RTL4: variants seen among roughly 807,000 people sequenced by gnomAD.
The protein encoded by RTL4 is retrotransposon Gag like 4, also known as retrotransposon Gag-like protein 4.
In RTL4, 4 loss-of-function variants were observed where a neutral mutation model predicts 5.3. That is an observed-to-expected ratio of 0.75 (90% CI 0.37 to 1.72). The LOEUF is 1.72. Among genes scored for constraint, RTL4 ranks in the 40% most tolerant of loss-of-function variants. The pLI, the probability that RTL4 is intolerant of heterozygous loss-of-function variation, is 0.04. For missense variants in RTL4, 260 were observed against 227.1 expected (o/e 1.14, Z -0.93); for synonymous variants, 98 against 87.3 (o/e 1.12, Z -0.68).
the RTL4 span, among the ~76,000 whole-genome samples, chrX:112,310,808 A>C: frequency 2.0e-3 from 168 of 85,461 alleles, 1 homozygote; most frequent in South Asian, 4.0e-3. Flanking sequence ...ATTCTATATT[A>C]TATATTATAT....
chrX:112,241,261 T>C, the RTL4 span, among the ~76,000 whole-genome samples: 11 of 111,578 alleles, frequency 9.9e-5, no homozygotes, highest in Admixed American at 1.9e-4. Context: ...CCTTGAGGAA[T>C]TGCCACACTG....
the RTL4 span, among the ~76,000 whole-genome samples, chrX:112,440,821 T>C: frequency 8.9e-6 from 1 of 112,108 alleles, no homozygotes; most frequent in Non-Finnish European, 1.9e-5. Flanking sequence ...CCAAAACATC[T>C]TATTCACTGA....
At chrX:112,107,286 G>A in the RTL4 span, among the ~76,000 whole-genome samples, 1 of 111,503 alleles carries the variant, frequency 9.0e-6, no homozygotes, top group South Asian at 3.7e-4. Context: ...ACAAATTTTT[G>A]TAACTGTTAT....
chrX:112,310,813 TTA>T, the RTL4 span, among the ~76,000 whole-genome samples: 22 of 86,080 alleles, frequency 2.6e-4, no homozygotes, highest in South Asian at 1.0e-3. Flanking sequence ...ATATTATATA[TTA>T]TATATATTAA....
chrX:112,358,515 A>G, the RTL4 span, among the ~76,000 whole-genome samples: 1 of 111,832 alleles, frequency 8.9e-6, no homozygotes, highest in South Asian at 3.7e-4. Context: ...TAAAGGAAAT[A>G]TGGAGGGGCA....
the RTL4 span, among the ~76,000 whole-genome samples, chrX:112,311,149 G>C: frequency 9.1e-6 from 1 of 109,336 alleles, no homozygotes; most frequent in Non-Finnish European, 1.9e-5. Context: ...GTTTATACCT[G>C]GATGTGAATG....
chrX:112,285,405 T>G, the RTL4 span, among the ~76,000 whole-genome samples: 1 of 112,006 alleles, frequency 8.9e-6, no homozygotes, highest in Non-Finnish European at 1.9e-5. Flanking sequence ...ATATTTTCAA[T>G]AGATGGATCC....
the RTL4 span, among the ~76,000 whole-genome samples, chrX:112,397,758 T>C: frequency 8.9e-6 from 1 of 112,340 alleles, no homozygotes; most frequent in East Asian, 2.8e-4. Context: ...AGTCATATTG[T>C]ACATGGAACT....
chrX:112,216,304 C>G, the RTL4 span, among the ~76,000 whole-genome samples: 1 of 111,831 alleles, frequency 8.9e-6, no homozygotes, highest in African/African-American at 3.2e-5. Flanking sequence ...ATTCCACCAA[C>G]GTAAACACTA....
chrX:112,318,828 G>A, the RTL4 span, among the ~76,000 whole-genome samples: 2 of 111,177 alleles, frequency 1.8e-5, no homozygotes, highest in African/African-American at 6.6e-5. Flanking sequence ...TTTTCCTTCA[G>A]AAACTTTCAA....
At chrX:112,219,477 C>A in the RTL4 span, among the ~76,000 whole-genome samples, 1 of 112,106 alleles carries the variant, frequency 8.9e-6, no homozygotes, top group East Asian at 2.8e-4. Flanking sequence ...TTAGCACAAA[C>A]AAATATCACT....
At chrX:112,334,483 C>G in the RTL4 span, among the ~76,000 whole-genome samples, 2 of 111,613 alleles carry the variant, frequency 1.8e-5, no homozygotes, top group Non-Finnish European at 3.8e-5. Context: ...ATTTGAACAT[C>G]ATGTCAGCAC....
the RTL4 span, among the ~76,000 whole-genome samples, chrX:112,149,273 G>A: frequency 9.0e-6 from 1 of 111,139 alleles, no homozygotes; most frequent in Admixed American, 9.6e-5. Flanking sequence ...GTCTTTTTGA[G>A]GGAAATAGAC....
chrX:112,422,183 ATAAT>A, the RTL4 span, among the ~76,000 whole-genome samples: 693 of 112,166 alleles, frequency 6.2e-3, 4 homozygotes, highest in African/African-American at 0.021. Flanking sequence ...TGTCCAATAA[ATAAT>A]TAAAGTGAAA....
the RTL4 span, among the ~76,000 whole-genome samples, chrX:112,212,867 T>C: frequency 8.9e-6 from 1 of 112,443 alleles, no homozygotes. Context: ...TTGAAGCTGC[T>C]ATACATAATT....
At chrX:112,119,895 G>A in the RTL4 span, among the ~76,000 whole-genome samples, 2 of 112,189 alleles carry the variant, frequency 1.8e-5, no homozygotes, top group Non-Finnish European at 3.8e-5. Context: ...ATGTTCATCT[G>A]TTAATCATTA....
the RTL4 span, among the ~76,000 whole-genome samples, chrX:112,363,581 T>C: frequency 0.015 from 1,642 of 110,995 alleles, 35 homozygotes; most frequent in African/African-American, 0.051. Flanking sequence ...TGTAACCATT[T>C]GGAAAATATA....
the RTL4 span, among the ~76,000 whole-genome samples, chrX:112,084,318 T>C: frequency 2.7e-5 from 3 of 110,509 alleles, no homozygotes; most frequent in Non-Finnish European, 3.8e-5. Context: ...CAGTCCAATA[T>C]TCTGGAGAGT....
At chrX:112,162,650 T>G in the RTL4 span, among the ~76,000 whole-genome samples, 1 of 112,069 alleles carries the variant, frequency 8.9e-6, no homozygotes, top group Admixed American at 9.5e-5. Context: ...AAATGTGATT[T>G]TAGCAATCAG....
Sources: allele counts gnomAD v4.1 joint callset (sites outside exome capture counted in the v4.1 genomes callset), GRCh38; gene constraint gnomAD v4.1.1; transcripts MANE v1.5; gene names NCBI Gene and HGNC (gene_info 2026-07-23, HGNC 2026-07-21).